The following FRYL variants were observed in gnomAD, a reference collection of about 807,000 sequenced individuals.
FRYL encodes protein furry homolog-like.
In FRYL, 150 loss-of-function variants were observed where a neutral mutation model predicts 351.2. That is an observed-to-expected ratio of 0.43 (90% confidence interval 0.37 to 0.49). The LOEUF (loss-of-function observed/expected upper bound fraction) is 0.49, where lower values mean the gene tolerates loss of function less well. Ranked by LOEUF, FRYL falls within the 20% of genes least tolerant of loss-of-function variation. The pLI is 0.00. For missense variants in FRYL, 3,036 were observed against 3,619.3 expected, an observed-to-expected ratio of 0.84 and a Z score of 4.13; for synonymous variants, 1,153 against 1,257.1, an observed-to-expected ratio of 0.92 and a Z score of 1.75.
intron 1 of FRYL, among the ~76,000 whole-genome samples, chr4:48,776,156 T>C (rs2109438012): frequency 6.6e-6 from 1 of 151,270 alleles, no homozygotes; most frequent in East Asian, 1.9e-4. Context: ...TCGTTTCTTT[T>C]TTTTTTTTTT....
chr4:48,585,178 A>G (rs1290822703), intron 19 of FRYL, among the ~76,000 whole-genome samples: 2 of 152,212 alleles, frequency 1.3e-5, no homozygotes, highest in African/African-American at 2.4e-5. Context: ...CTCCCAAGGA[A>G]TAGTATCATA....
chr4:48,509,831 A>G (rs767786268), intron 59 of FRYL, among the ~76,000 whole-genome samples: 5 of 152,204 alleles, frequency 3.3e-5, no homozygotes, highest in Non-Finnish European at 7.3e-5. Flanking sequence ...TCCACAAAGA[A>G]GCTTTTTACA....
At chr4:48,620,516 T>C in intron 6 of FRYL, 123 bp downstream of exon 6, 1 of 960,598 alleles carries the variant, frequency 1.0e-6, no homozygotes, top group Non-Finnish European at 1.6e-6. Flanking sequence ...ACCATCTTTG[T>C]AACAAAAGTA....
chr4:48,612,660 G>A (rs1314036102), intron 7 of FRYL, among the ~76,000 whole-genome samples: 2 of 152,212 alleles, frequency 1.3e-5, no homozygotes, highest in African/African-American at 4.8e-5. Flanking sequence ...CTCACTGCAA[G>A]CTCCACCTCT....
chr4:48,724,332 T>C (rs1324427370), intron 1 of FRYL, among the ~76,000 whole-genome samples: 2 of 152,100 alleles, frequency 1.3e-5, no homozygotes, highest in Non-Finnish European at 2.9e-5. Context: ...TATTTCCATG[T>C]TGGGCCTGTG....
chr4:48,599,521 G>C (rs1269492426), intron 13 of FRYL, among the ~76,000 whole-genome samples: 1 of 152,144 alleles, frequency 6.6e-6, no homozygotes, highest in Admixed American at 6.5e-5. Flanking sequence ...TTATTCTTAT[G>C]ACTAGAGAGT....
At chr4:48,617,335 A>G (rs975528727) in intron 7 of FRYL, among the ~76,000 whole-genome samples, 56 of 146,588 alleles carry the variant, frequency 3.8e-4, no homozygotes, top group African/African-American at 1.3e-3. Flanking sequence ...TCCACCAAAG[A>G]AAAAAAAAAA....
chr4:48,753,108 G>C (rs906571830), intron 1 of FRYL, among the ~76,000 whole-genome samples: 1 of 152,134 alleles, frequency 6.6e-6, no homozygotes, highest in Admixed American at 6.5e-5. Flanking sequence ...GGATTGCAGG[G>C]AAAGAAAATC....
At chr4:48,588,829 A>G (rs1158867919) in intron 18 of FRYL, among the ~76,000 whole-genome samples, 2 of 152,058 alleles carry the variant, frequency 1.3e-5, no homozygotes, top group Admixed American at 6.6e-5. Context: ...TATCTCAAAG[A>G]TCCTAAATTA....
chr4:48,509,538 T>A (rs1411155553), intron 59 of FRYL, among the ~76,000 whole-genome samples: 10 of 152,142 alleles, frequency 6.6e-5, no homozygotes, highest in South Asian at 2.1e-4. Flanking sequence ...TGTTCTTCTG[T>A]CCCTCCCAAT....
At chr4:48,777,844 A>T (rs1436058599) in intron 1 of FRYL, among the ~76,000 whole-genome samples, 1 of 152,154 alleles carries the variant, frequency 6.6e-6, no homozygotes, top group Non-Finnish European at 1.5e-5. Context: ...TCAAAGAAAA[A>T]AACAAAAAAG....
chr4:48,558,865 G>A (rs1449512496), intron 33 of FRYL, among the ~76,000 whole-genome samples: 2 of 152,134 alleles, frequency 1.3e-5, no homozygotes, highest in Non-Finnish European at 2.9e-5. Context: ...CCTTTTATAC[G>A]TTGTTTAATT....
Position 48,582,605 on chromosome 4 carries a change from C to A in FRYL, c.1878G>T (p.Val626=). Residue 626 remains valine (V), a synonymous_variant, in exon 20 of 64, where the codon GTG becomes GTT. Transcript: ENST00000358350. Reference sequence around the variant, plus strand: ...CAAGAAGTGTGGGATGGACATCAGTCACTTCACGAACAATAAAATAAACAA... The same window carrying A: ...CAAGAAGTGTGGGATGGACATCAGTAACTTCACGAACAATAAAATAAACAA... ...SGFVYFIVRE[V]TDVHPTLLDN... The A allele has an allele frequency of 6.2e-7, 1 of 1,613,954 alleles. No homozygotes were observed. Among genetic ancestry groups the A allele is most frequent in the South Asian group, 1.1e-5 (1 of 91,070 alleles).
At chr4:48,512,779 GT>G in intron 56 of FRYL, 91 bp from the exon 57 acceptor site, 1 of 894,814 alleles carries the variant, frequency 1.1e-6, no homozygotes. Context: ...CATTTGACAG[GT>G]TATTTTTATT....
intron 54 of FRYL, among the ~76,000 whole-genome samples, chr4:48,522,014 ATGCCTGTGATCC>A (rs1725019567): frequency 6.6e-6 from 1 of 152,170 alleles, no homozygotes; most frequent in Non-Finnish European, 1.5e-5. Flanking sequence ...GCGGTGGCTC[ATGCCTGTGATCC>A]TGCCACTTTG....
At chr4:48,565,388 T>C (rs1185698779) in intron 29 of FRYL, 143 bp downstream of exon 29, 14 of 527,420 alleles carry the variant, frequency 2.7e-5, no homozygotes, top group Non-Finnish European at 3.1e-6. Context: ...TGTATTTAAA[T>C]ATAACTTATG....
chr4:48,750,164 G>C (rs373984466), intron 1 of FRYL, among the ~76,000 whole-genome samples: 2,648 of 137,892 alleles, frequency 0.019, 74 homozygotes, highest in African/African-American at 0.066. Flanking sequence ...GAAAGAAAAA[G>C]AAAAAAAAGG....
In FRYL at chr4:48,499,433, T is replaced by C; in HGVS notation, c.9031A>G (p.Thr3011Ala). The change falls in exon 64 of 64, where the codon ACT becomes GCT. Residue 3011 changes from threonine (T) to alanine (A), a missense_variant. Thr to Ala is a moderately conservative substitution (Grantham distance 58). This residue lies in a region of FRYL where 1,987 missense variants were observed against 2,311.7 expected (regional missense o/e 0.86). Transcript: ENST00000358350. ...QAKPMGNMVS[T>A]GF ...AGGCCTGAAGTGTCTCAGAATCCAG[T>C]GCTCACCATATTTCCCATTGGTTTG... The C allele has an allele frequency of 4.3e-6, 7 of 1,614,072 alleles. No homozygotes were observed. The highest frequency in any genetic ancestry group is 5.9e-6 in the Non-Finnish European group (7 of 1,179,910).
chr4:48,655,901 T>C (rs1758797321), intron 3 of FRYL, among the ~76,000 whole-genome samples: 2 of 134,800 alleles, frequency 1.5e-5, no homozygotes, highest in South Asian at 4.7e-4. Flanking sequence ...TATAATTCTA[T>C]GTACATTATA....
Sources: gnomAD v4.1 joint callset for allele counts (sites outside exome capture counted in the v4.1 genomes callset) on GRCh38, gnomAD v4.1.1 for gene constraint, gnomAD v4.1.1 regional missense constraint, MANE v1.5 for transcripts, NCBI Gene and HGNC (gene_info 2026-07-23, HGNC 2026-07-21) for gene names.